UNC13C: variants seen among roughly 807,000 people sequenced by gnomAD.
The protein encoded by UNC13C is unc-13 homolog C, also known as protein unc-13 homolog C.
In UNC13C, 174 loss-of-function variants were observed where a neutral mutation model predicts 245.4. The ratio of observed to expected loss-of-function variants is 0.71; its 90% CI spans 0.63 to 0.80. UNC13C has a LOEUF of 0.80. UNC13C is among the 30% of genes least tolerant of loss of function. UNC13C has a pLI of 0.00. For synonymous variants in UNC13C, 992 were observed against 895.1 expected (o/e 1.11, Z -1.93); for missense variants, 2,829 against 2,602.9 (o/e 1.09, Z -1.89).
the UNC13C span, among the ~76,000 whole-genome samples, chr15:53,916,560 T>TGGGAAGCAA: frequency 6.6e-6 from 1 of 152,198 alleles, no homozygotes; most frequent in Non-Finnish European, 1.5e-5. Context: ...AGTGAAGAGT[T>TGGGAAGCAA]GGGAAGTAGA....
At chr15:54,303,057 C>G (rs116450512) in intron 13 of UNC13C, among the ~76,000 whole-genome samples, 3 of 151,864 alleles carry the variant, frequency 2.0e-5, no homozygotes, top group Non-Finnish European at 2.9e-5. Flanking sequence ...AAATAAGAAA[C>G]CTTAGAGATC....
At chr15:53,877,537 G>C in the UNC13C span, among the ~76,000 whole-genome samples, 1 of 151,968 alleles carries the variant, frequency 6.6e-6, no homozygotes, top group Non-Finnish European at 1.5e-5. Flanking sequence ...GAGAAACTAG[G>C]TTAAATAGGA....
intron 2 of UNC13C, among the ~76,000 whole-genome samples, chr15:54,056,357 T>C (rs919947704): frequency 5.9e-5 from 9 of 152,034 alleles, no homozygotes; most frequent in Admixed American, 5.9e-4. Context: ...AGAAAGGGTA[T>C]CAGCAATGGA....
At chr15:54,018,035 G>T (rs1027960642) in intron 2 of UNC13C, among the ~76,000 whole-genome samples, 9 of 152,132 alleles carry the variant, frequency 5.9e-5, no homozygotes, top group African/African-American at 2.2e-4. Flanking sequence ...CGGTAGCCTA[G>T]ATTTTAAAGG....
the UNC13C span, chr15:53,910,963 G>A: frequency 6.1e-5 from 7 of 114,480 alleles, no homozygotes; most frequent in Admixed American, 3.8e-4. Context: ...TCAGCTATGT[G>A]GCTGCAGCAC....
intron 4 of UNC13C, among the ~76,000 whole-genome samples, chr15:54,158,673 A>G (rs769666612): frequency 1.8e-4 from 27 of 151,452 alleles, no homozygotes; most frequent in Non-Finnish European, 2.8e-4. Context: ...CTTTTTAGAA[A>G]TAGGATCTTG....
intron 13 of UNC13C, among the ~76,000 whole-genome samples, chr15:54,303,312 C>T (rs774248934): frequency 6.6e-6 from 1 of 152,074 alleles, no homozygotes; most frequent in East Asian, 1.9e-4. Flanking sequence ...GTATGATGAA[C>T]AGTCTAAGGG....
At chr15:54,441,883 A>G (rs1230941425) in intron 19 of UNC13C, among the ~76,000 whole-genome samples, 2 of 151,750 alleles carry the variant, frequency 1.3e-5, no homozygotes, top group African/African-American at 4.8e-5. Context: ...TGTAGTTTTC[A>G]TTGTGGAGTC....
Position 53,979,970 on chromosome 15 carries a change from T to C in UNC13C, c.-257+1043T>C, listed in dbSNP as rs1210529227. 3.3e-5 allele frequency among the ~76,000 whole-genome samples: 5 copies of C among 152,274 alleles called. No homozygotes were observed. In the East Asian group the frequency reaches 9.7e-4, roughly 29 times the overall value. ...ATTTTCTGGAGGGGAGAAACGAGAA[T>C]GAGAAAGTACTACATTTTTGTATAT... On this transcript the variant is annotated intron_variant, in intron 1 of 32. Coordinates refer to ENST00000260323, the MANE Select transcript of UNC13C (RefSeq NM_001080534.3).
At chr15:54,383,267 A>C (rs923453007) in intron 17 of UNC13C, among the ~76,000 whole-genome samples, 3 of 152,190 alleles carry the variant, frequency 2.0e-5, no homozygotes, top group African/African-American at 7.2e-5. Flanking sequence ...TCTCTGATAA[A>C]TATAGATGCA....
At chr15:54,313,487 TTAAGAGTCTCTTTGTAACCTCAAGTAC>T (rs2037927704) in intron 13 of UNC13C, among the ~76,000 whole-genome samples, 1 of 151,838 alleles carries the variant, frequency 6.6e-6, no homozygotes, top group Non-Finnish European at 1.5e-5. Context: ...ATTGTTGACT[TTAAGAGTCTCTTTGTAACCTCAAGTAC>T]TAAGAAGAAA....
chr15:54,285,717 T>C (rs2037127241), intron 10 of UNC13C, among the ~76,000 whole-genome samples: 1 of 152,168 alleles, frequency 6.6e-6, no homozygotes, highest in Admixed American at 6.5e-5. Flanking sequence ...ACATTTTTTA[T>C]TGTAACAGAA....
Position 54,055,548 on chromosome 15 carries a change from G to T in UNC13C, c.2983+39662G>T, listed in dbSNP as rs893890772. On this transcript the variant is annotated intron_variant, in intron 2 of 32. Transcript: ENST00000260323. ...CTGATCAACTGAGGGATTTTAGTTTGTAGCCATGTCTAGACAAAATGCAAA... is the reference window on the plus strand; with the variant it reads ...CTGATCAACTGAGGGATTTTAGTTTTTAGCCATGTCTAGACAAAATGCAAA... Among the ~76,000 whole-genome samples the T allele has an allele frequency of 5.3e-5, 8 of 152,118 alleles. 1 individual carries two copies. The highest frequency in any genetic ancestry group is 1.3e-4 in the Admixed American group (2 of 15,272).
rs56332846 is a variant in UNC13C, at chr15:54,117,523, TTCTCTCTCTCTCTCTCTCTCTCTC to T, written c.2984-25474_2984-25451del. ...TAGAGTTTTCTCAGAACTATTATGT[TTCTCTCTCTCTCTCTCTCTCTCTC>T]TCTCTCTCTCTCTCTCTCTCATTTT... On this transcript the variant is annotated intron_variant, in intron 2 of 32. Transcript: ENST00000260323. Among the ~76,000 whole-genome samples the T allele has an allele frequency of 7.2e-3, 740 of 102,120 alleles. 6 individuals are homozygous for T. The highest frequency in any genetic ancestry group is 0.046 in the Middle Eastern group (7 of 152). 67.0% of individuals were successfully genotyped at this position (102,120 alleles called of 152,430 possible).
At chr15:53,895,854 C>G in the UNC13C span, among the ~76,000 whole-genome samples, 1 of 151,974 alleles carries the variant, frequency 6.6e-6, no homozygotes, top group Non-Finnish European at 1.5e-5. Context: ...ATCCATTGTT[C>G]AATCTTAATG....
the UNC13C span, among the ~76,000 whole-genome samples, chr15:53,921,057 G>T: frequency 2.5e-3 from 380 of 152,024 alleles, 2 homozygotes; most frequent in African/African-American, 8.7e-3. Flanking sequence ...TCTAGGCAGT[G>T]GGGAGAGCAT....
At chr15:54,564,225 A>G (rs561528357) in intron 29 of UNC13C, among the ~76,000 whole-genome samples, 1 of 152,038 alleles carries the variant, frequency 6.6e-6, no homozygotes, top group African/African-American at 2.4e-5. Context: ...AATGCACTCA[A>G]AAGACAAAGA....
At chr15:54,509,717 T>C (rs1396319037) in intron 23 of UNC13C, among the ~76,000 whole-genome samples, 2 of 152,222 alleles carry the variant, frequency 1.3e-5, no homozygotes, top group Non-Finnish European at 2.9e-5. Context: ...TGTTCTTTTT[T>C]TCATTTACTA....
intron 4 of UNC13C, among the ~76,000 whole-genome samples, chr15:54,214,474 G>T (rs2034979506): frequency 6.6e-6 from 1 of 151,894 alleles, no homozygotes; most frequent in Admixed American, 6.6e-5. Flanking sequence ...CTAATAATAA[G>T]AGGGGTGGGC....
Sources: allele counts gnomAD v4.1 joint callset (sites outside exome capture counted in the v4.1 genomes callset), GRCh38; gene constraint gnomAD v4.1.1; transcripts MANE v1.5; gene names NCBI Gene and HGNC (gene_info 2026-07-23, HGNC 2026-07-21).